Variants in ERBB4 observed in about 807,000 individuals in gnomAD.
ERBB4 encodes the protein erb-b2 receptor tyrosine kinase 4.
In ERBB4, 42 loss-of-function variants were observed where a neutral mutation model predicts 158.0. The observed-to-expected ratio is 0.27, with a 90% CI of 0.21 to 0.34. The LOEUF (loss-of-function observed/expected upper bound fraction) is 0.34. Ranked by LOEUF, ERBB4 falls within the 10% of genes least tolerant of loss-of-function variation. The pLI, the probability that ERBB4 is intolerant of heterozygous loss-of-function variation, is 1.00. For missense variants in ERBB4, 1,333 were observed against 1,624.1 expected, an observed-to-expected ratio of 0.82 and a Z score of 3.08; for synonymous variants, 583 against 558.7, an observed-to-expected ratio of 1.04 and a Z score of -0.61.
At chr2:212,319,726 C>T (rs1044895781) in intron 1 of ERBB4, among the ~76,000 whole-genome samples, 10 of 150,320 alleles carry the variant, frequency 6.7e-5, no homozygotes, top group African/African-American at 2.4e-4. Context: ...TAGCTCAAGT[C>T]ATATGCCTCC....
At chr2:211,427,633 T>TA (rs1553530563) in intron 22 of ERBB4, among the ~76,000 whole-genome samples, 1 of 152,210 alleles carries the variant, frequency 6.6e-6, no homozygotes, top group Admixed American at 6.5e-5. Context: ...TGCTCTAACT[T>TA]ACTGCTGTCA....
chr2:211,557,646 A>G (rs1303234274), intron 20 of ERBB4, among the ~76,000 whole-genome samples: 1 of 121,032 alleles, frequency 8.3e-6, no homozygotes, highest in East Asian at 1.9e-4. Flanking sequence ...TTATAAGTGT[A>G]TAAGGAACAC....
At chr2:212,014,572 C>T (rs2076464420) in intron 2 of ERBB4, among the ~76,000 whole-genome samples, 1 of 152,074 alleles carries the variant, frequency 6.6e-6, no homozygotes, top group African/African-American at 2.4e-5. Context: ...TATCTGTTAT[C>T]TTTAGAGTAT....
chr2:211,482,081 A>G (rs113145899), intron 20 of ERBB4, among the ~76,000 whole-genome samples: 22 of 152,160 alleles, frequency 1.4e-4, no homozygotes, highest in Non-Finnish European at 2.1e-4. Flanking sequence ...ATCCCAGAGA[A>G]GGCAAAGCAA....
intron 1 of ERBB4, among the ~76,000 whole-genome samples, chr2:212,159,161 C>A (rs2081128092): frequency 6.6e-6 from 1 of 151,752 alleles, no homozygotes; most frequent in Admixed American, 6.6e-5. Flanking sequence ...AACACATGGA[C>A]TTAGAAACAC....
At chr2:211,988,008 A>G (rs1575478234) in intron 2 of ERBB4, among the ~76,000 whole-genome samples, 1 of 152,186 alleles carries the variant, frequency 6.6e-6, no homozygotes, top group African/African-American at 2.4e-5. Context: ...TGGTATTTAT[A>G]ACTTTTAAAA....
chr2:212,112,467 C>T (rs2079441679), intron 2 of ERBB4, among the ~76,000 whole-genome samples: 2 of 151,606 alleles, frequency 1.3e-5, no homozygotes, highest in African/African-American at 4.9e-5. Context: ...TAATGAAAAC[C>T]TCCCTTCCTT....
chr2:212,444,475 AGGTATGTGGGT>A (rs2092312265), intron 1 of ERBB4, among the ~76,000 whole-genome samples: 1 of 152,176 alleles, frequency 6.6e-6, no homozygotes, highest in Non-Finnish European at 1.5e-5. Flanking sequence ...TCTGGGGAAG[AGGTATGTGGGT>A]GGACCTCACT....
intron 1 of ERBB4, among the ~76,000 whole-genome samples, chr2:212,155,519 C>G (rs1254088306): frequency 1.3e-5 from 2 of 152,068 alleles, no homozygotes; most frequent in African/African-American, 4.8e-5. Flanking sequence ...TCAGCATCTT[C>G]TGGGGGTGGA....
Position 211,660,698 on chromosome 2 carries a change from A to G in ERBB4, c.1872-2870T>C, listed in dbSNP as rs377585517. On this transcript the variant is annotated intron_variant, in intron 15 of 27. Coordinates refer to ENST00000342788, the MANE Select transcript of ERBB4 (RefSeq NM_005235.3). ...AATCTTGAAATAGCATGTAGGAGAAAGTTGAAACCATGTAAGTGAATAGAT... is the reference window on the plus strand; with the variant it reads ...AATCTTGAAATAGCATGTAGGAGAAGGTTGAAACCATGTAAGTGAATAGAT... Among the ~76,000 whole-genome samples, 23 of 152,340 alleles carry G rather than the reference A, an allele frequency of 1.5e-4. No homozygotes were observed. The South Asian group carries it at 4.8e-3, about 32-fold the overall frequency.
chr2:212,406,664 C>T (rs2091352855), intron 1 of ERBB4, among the ~76,000 whole-genome samples: 1 of 152,064 alleles, frequency 6.6e-6, no homozygotes. Context: ...TGTTAAAAAC[C>T]TCTCAGAGAC....
chr2:212,053,692 A>C (rs573695401), intron 2 of ERBB4, among the ~76,000 whole-genome samples: 1 of 152,106 alleles, frequency 6.6e-6, no homozygotes, highest in Non-Finnish European at 1.5e-5. Context: ...CTTCCAGCTT[A>C]TGTCTTGCAT....
At chr2:212,114,802 C>CA (rs1285611382) in intron 2 of ERBB4, among the ~76,000 whole-genome samples, 3 of 152,038 alleles carry the variant, frequency 2.0e-5, no homozygotes, top group Non-Finnish European at 4.4e-5. Context: ...TACAAATCAC[C>CA]ACCACCCAAA....
chr2:212,252,119 G>A lies in ERBB4; in HGVS notation c.83-127216C>T, dbSNP rs116974503. 5.4e-4 allele frequency among the ~76,000 whole-genome samples: 82 copies of A among 152,154 alleles called. 2 individuals carry two copies. In the East Asian group the frequency reaches 0.014, roughly 26 times the overall value. ...AAAAGGTCAAAGATACGTTCCAGGT[G>A]TCTGACTTAAGCAACTAAAAGAATC... On this transcript the variant is annotated intron_variant, in intron 1 of 27. Transcript: ENST00000342788.
chr2:212,309,208 C>A (rs1307225005), intron 1 of ERBB4, among the ~76,000 whole-genome samples: 1 of 150,828 alleles, frequency 6.6e-6, no homozygotes, highest in Non-Finnish European at 1.5e-5. Flanking sequence ...ATTTGAGAAC[C>A]AGACTATTTA....
chr2:212,422,500 AACACACACAC>A (rs56308920), intron 1 of ERBB4, among the ~76,000 whole-genome samples: 1 of 148,556 alleles, frequency 6.7e-6, no homozygotes, highest in South Asian at 2.1e-4. Context: ...TTGGACTCAA[AACACACACAC>A]ACACACACAC....
At chr2:212,055,505 T>G (rs2077532891) in intron 2 of ERBB4, among the ~76,000 whole-genome samples, 1 of 152,028 alleles carries the variant, frequency 6.6e-6, no homozygotes. Flanking sequence ...GACCCCCGAG[T>G]AGCCTAACTG....
chr2:211,842,555 CCTAT>C (rs1249554300), intron 3 of ERBB4, among the ~76,000 whole-genome samples: 2 of 151,766 alleles, frequency 1.3e-5, no homozygotes, highest in Non-Finnish European at 2.9e-5. Flanking sequence ...TAGAATATCT[CCTAT>C]CTTTTTCAGT....
chr2:211,874,033 T>C (rs113263185), intron 3 of ERBB4, among the ~76,000 whole-genome samples: 5 of 147,490 alleles, frequency 3.4e-5, no homozygotes, highest in African/African-American at 1.2e-4. Flanking sequence ...GACATGGTGG[T>C]GTGCACCTGT....
Sources: allele counts gnomAD v4.1 joint callset (sites outside exome capture counted in the v4.1 genomes callset), GRCh38; gene constraint gnomAD v4.1.1; transcripts MANE v1.5; gene names NCBI Gene and HGNC (gene_info 2026-07-23, HGNC 2026-07-21).